SLC4A10: variants seen among roughly 807,000 people sequenced by gnomAD.
SLC4A10 encodes the protein sodium-driven chloride bicarbonate exchanger.
Under a neutral mutation model 137.7 loss-of-function variants are expected in SLC4A10, and 42 were observed. The ratio of observed to expected loss-of-function variants is 0.30; its 90% CI spans 0.24 to 0.39. The LOEUF is 0.39. Among genes scored for constraint, SLC4A10 ranks in the 10% least tolerant of loss-of-function variants. The pLI, the probability that SLC4A10 is intolerant of heterozygous loss-of-function variation, is 1.00. For missense variants in SLC4A10, 925 were observed against 1,355.0 expected (o/e 0.68, Z 4.98); for synonymous variants, 474 against 464.1 (o/e 1.02, Z -0.27).
At chr2:161,854,926 C>T (rs1345507882) in intron 4 of SLC4A10, 44 bp from the exon 5 acceptor site, 2 of 1,530,756 alleles carry the variant, frequency 1.3e-6, no homozygotes, top group East Asian at 4.7e-5. Context: ...GATCATTAAC[C>T]TACAATATAA....
intron 1 of SLC4A10, among the ~76,000 whole-genome samples, chr2:161,656,149 A>G (rs529032095): frequency 1.3e-5 from 2 of 152,274 alleles, no homozygotes; most frequent in East Asian, 3.9e-4. Context: ...AGTGGGATTT[A>G]TCTTTGGAAT....
chr2:161,785,640 C>T (rs1005918605), intron 2 of SLC4A10, among the ~76,000 whole-genome samples: 1 of 151,684 alleles, frequency 6.6e-6, no homozygotes, highest in Non-Finnish European at 1.5e-5. Context: ...TATTTAACAT[C>T]GTTTCATGAT....
At position 161,906,830 on chromosome 2, in the gene SLC4A10, G is replaced by A. The variant is rs958798366; in HGVS notation, c.1997+943G>A. Among the ~76,000 whole-genome samples the A allele has an allele frequency of 2.0e-4, 30 of 152,050 alleles. No individual in the cohort carries two copies. In the East Asian group the frequency reaches 4.8e-3, roughly 25 times the overall value. On this transcript the variant is annotated intron_variant, in intron 15 of 26. Transcript: ENST00000446997. ...GAAATGTTGGGAGGCCGAGGCGGGCGGATCACGAGGTCAGGAGATCGAGAC... is the reference window on the plus strand; with the variant it reads ...GAAATGTTGGGAGGCCGAGGCGGGCAGATCACGAGGTCAGGAGATCGAGAC...
intron 1 of SLC4A10, among the ~76,000 whole-genome samples, chr2:161,685,039 C>T (rs1371153861): frequency 6.6e-6 from 1 of 152,100 alleles, no homozygotes; most frequent in African/African-American, 2.4e-5. Flanking sequence ...GCCAGACTGC[C>T]TAACAGTAGG....
intron 1 of SLC4A10, among the ~76,000 whole-genome samples, chr2:161,679,869 G>T (rs2040659362): frequency 6.6e-6 from 1 of 151,634 alleles, no homozygotes; most frequent in Non-Finnish European, 1.5e-5. Flanking sequence ...TTTTCATATT[G>T]TTTTGGGGGC....
chr2:161,934,066 A>G (rs1003510962), intron 15 of SLC4A10, among the ~76,000 whole-genome samples: 5 of 152,144 alleles, frequency 3.3e-5, no homozygotes, highest in Non-Finnish European at 7.3e-5. Flanking sequence ...GGGGTGCATG[A>G]GATATTTTGA....
At chr2:161,645,845 T>G (rs2035957394) in intron 1 of SLC4A10, among the ~76,000 whole-genome samples, 1 of 152,064 alleles carries the variant, frequency 6.6e-6, no homozygotes. Flanking sequence ...AAACTTCCTC[T>G]TAATTCTTGT....
At chr2:161,781,893 G>A (rs190711214) in intron 2 of SLC4A10, among the ~76,000 whole-genome samples, 19 of 152,124 alleles carry the variant, frequency 1.2e-4, no homozygotes, top group Admixed American at 6.6e-4. Context: ...TACCCCCAAC[G>A]CAACACCATA....
At position 161,974,925 on chromosome 2, in the gene SLC4A10, T is replaced by C. The variant is rs1232856663; in HGVS notation, c.3227+609T>C. On this transcript the variant is annotated intron_variant, in intron 24 of 26. Coordinates refer to ENST00000446997, the MANE Select transcript of SLC4A10 (RefSeq NM_001178015.2). Reference sequence around the variant, plus strand: ...TCTCTTCTCTGTCTCCCTCTCAATATAGTTTAGTTTAAACGGTTATCTTGT... The same window carrying C: ...TCTCTTCTCTGTCTCCCTCTCAATACAGTTTAGTTTAAACGGTTATCTTGT... Among the ~76,000 whole-genome samples, 2 of 152,196 alleles carry C rather than the reference T, an allele frequency of 1.3e-5. 1 individual carries two copies. The highest frequency in any genetic ancestry group is 6.3e-3 in the Middle Eastern group (2 of 316).
intron 15 of SLC4A10, among the ~76,000 whole-genome samples, chr2:161,939,286 A>G (rs1248899328): frequency 6.6e-6 from 1 of 152,094 alleles, no homozygotes; most frequent in Non-Finnish European, 1.5e-5. Flanking sequence ...CATGTTGGCC[A>G]GGATGGTCTC....
chr2:161,921,660 G>A lies in SLC4A10; in HGVS notation c.1997+15773G>A, dbSNP rs140391977. On this transcript the variant is annotated intron_variant, in intron 15 of 26. Coordinates refer to ENST00000446997, the MANE Select transcript of SLC4A10 (RefSeq NM_001178015.2). ...ATATGACTTCATTTGAACCTCACAA[G>A]AACCTTGTGGGACAAGTATTATCCC... 7.4e-3 allele frequency among the ~76,000 whole-genome samples: 1,127 copies of A among 152,318 alleles called. 7 individuals are homozygous for A. Among genetic ancestry groups the A allele is most frequent in the Middle Eastern group, 0.017 (5 of 294 alleles).
rs1312939807 is a variant in SLC4A10, at chr2:161,624,507, G to GT, written c.-12_-11insT. ...GCAGAGCAAGGTGCTTATTCCAGAG[G>GT]CGTTACAAAACATGGAGATTAAAGA... On this transcript the variant is annotated 5_prime_UTR_variant, in exon 1 of 27. Transcript: ENST00000446997. 6.4e-7 allele frequency: 1 copy of GT among 1,553,126 alleles called. No homozygotes were observed. Among genetic ancestry groups the GT allele is most frequent in the Non-Finnish European group, 8.7e-7 (1 of 1,147,922 alleles).
At chr2:161,909,029 C>A (rs1178049086) in intron 15 of SLC4A10, among the ~76,000 whole-genome samples, 2 of 130,138 alleles carry the variant, frequency 1.5e-5, no homozygotes, top group Admixed American at 9.7e-5. Context: ...GGGAATTGAA[C>A]AATGAGAACA....
intron 15 of SLC4A10, among the ~76,000 whole-genome samples, chr2:161,921,719 G>C (rs78352279): frequency 6.6e-6 from 1 of 152,076 alleles, no homozygotes; most frequent in African/African-American, 2.4e-5. Flanking sequence ...GGCTCCAACA[G>C]GTTAAATAAT....
chr2:161,795,550 TTTATTA>T (rs2054672627), intron 2 of SLC4A10, among the ~76,000 whole-genome samples: 1 of 151,952 alleles, frequency 6.6e-6, no homozygotes, highest in Non-Finnish European at 1.5e-5. Context: ...TACTATTATT[TTTATTA>T]TTATTAGTAT....
chr2:161,923,252 A>T (rs546515070), intron 15 of SLC4A10, among the ~76,000 whole-genome samples: 1 of 152,330 alleles, frequency 6.6e-6, no homozygotes, highest in South Asian at 2.1e-4. Flanking sequence ...GATGTATTTT[A>T]TAAAAAGTGT....
intron 1 of SLC4A10, among the ~76,000 whole-genome samples, chr2:161,723,155 G>T (rs1377790661): frequency 2.0e-5 from 3 of 152,162 alleles, no homozygotes; most frequent in Admixed American, 2.0e-4. Context: ...ACAGCCCTGT[G>T]CTTGGGTCCC....
intron 19 of SLC4A10, among the ~76,000 whole-genome samples, chr2:161,952,453 G>A (rs1175074288): frequency 6.6e-6 from 1 of 152,126 alleles, no homozygotes; most frequent in African/African-American, 2.4e-5. Context: ...TGCATTTATA[G>A]AATTAAATGC....
intron 1 of SLC4A10, among the ~76,000 whole-genome samples, chr2:161,654,369 C>T (rs2037222516): frequency 1.3e-5 from 2 of 152,184 alleles, no homozygotes; most frequent in South Asian, 4.1e-4. Context: ...CTTTGCTGGG[C>T]AGAATAATTT....
Sources: gnomAD v4.1 joint callset for allele counts (sites outside exome capture counted in the v4.1 genomes callset) on GRCh38, gnomAD v4.1.1 for gene constraint, MANE v1.5 for transcripts, NCBI Gene and HGNC (gene_info 2026-07-23, HGNC 2026-07-21) for gene names.